Variants in KIFC3 observed in about 807,000 individuals in gnomAD.
KIFC3 encodes the protein kinesin family member C3.
A neutral mutation model predicts 101.8 loss-of-function variants in KIFC3; 60 were observed. That is an observed-to-expected ratio of 0.59 (90% CI 0.48 to 0.73). The LOEUF is 0.73. Ranked by LOEUF, KIFC3 falls within the 30% of genes least tolerant of loss-of-function variation. The pLI, the probability that KIFC3 is intolerant of heterozygous loss-of-function variation, is 0.00. For synonymous variants in KIFC3, 476 were observed against 482.7 expected (o/e 0.99, Z 0.18); for missense variants, 966 against 1,137.1 (o/e 0.85, Z 2.16).
chr16:57,786,075 C>T (rs2053286178), intron 3 of KIFC3, among the ~76,000 whole-genome samples: 1 of 152,210 alleles, frequency 6.6e-6, no homozygotes, highest in Non-Finnish European at 1.5e-5. Flanking sequence ...GTCTCAAACC[C>T]TCTCAAGAGT....
intron 3 of KIFC3, chr16:57,775,193 G>A (rs535852838): frequency 6.7e-6 from 9 of 1,334,274 alleles, no homozygotes; most frequent in Middle Eastern, 5.6e-4. Flanking sequence ...GGAAGTGGCC[G>A]CAACCGCAAC....
intron 1 of KIFC3, among the ~76,000 whole-genome samples, chr16:57,832,685 A>AG (rs782383225): frequency 2.6e-5 from 4 of 152,058 alleles, no homozygotes; most frequent in Non-Finnish European, 4.4e-5. Flanking sequence ...TCAGGTAGCA[A>AG]GACCCTTTGA....
chr16:57,848,973 T>G (rs2055993739), intron 1 of KIFC3, among the ~76,000 whole-genome samples: 1 of 152,232 alleles, frequency 6.6e-6, no homozygotes, highest in Non-Finnish European at 1.5e-5. Context: ...CCGGTTCCAC[T>G]TAAACACTAA....
chr16:57,774,878 C>T, intron 3 of KIFC3: 4 of 1,400,026 alleles, frequency 2.9e-6, no homozygotes, highest in Non-Finnish European at 3.7e-6. Context: ...CCTACCCTGA[C>T]ATAAGTGAAC....
chr16:57,762,298 A>G, intron 12 of KIFC3, 28 bp from the exon 13 acceptor site: 1 of 1,508,970 alleles, frequency 6.6e-7, no homozygotes, highest in Non-Finnish European at 8.9e-7. Context: ...GGCCCCAGTA[A>G]GCCAGGCCTG....
At chr16:57,850,893 T>C (rs1283460059) in intron 1 of KIFC3, among the ~76,000 whole-genome samples, 1 of 152,204 alleles carries the variant, frequency 6.6e-6, no homozygotes, top group Non-Finnish European at 1.5e-5. Flanking sequence ...TTCTTTGTTC[T>C]CTCTGGAATT....
chr16:57,783,469 T>C (rs1314411603), intron 3 of KIFC3, among the ~76,000 whole-genome samples: 3 of 34,972 alleles, frequency 8.6e-5, no homozygotes, highest in Non-Finnish European at 1.9e-4. Context: ...CCCATTTTCT[T>C]TTCTTTTTTT....
chr16:57,846,752 C>G (rs2055928831), intron 1 of KIFC3, among the ~76,000 whole-genome samples: 1 of 152,216 alleles, frequency 6.6e-6, no homozygotes, highest in Non-Finnish European at 1.5e-5. Flanking sequence ...AACAAACACT[C>G]ACGTATTGGG....
At chr16:57,862,791 C>A in exon 1 of KIFC3, 1 of 1,289,688 alleles carries the variant, frequency 7.8e-7, no homozygotes, top group Admixed American at 2.3e-5. Flanking sequence ...GGCTTCCATG[C>A]AGCTGTCAGA....
In KIFC3 at chr16:57,838,700, GAC is replaced by G. The variant is rs540492414; in HGVS notation, c.108+24027_108+24028del. Among the ~76,000 whole-genome samples, 39 of 152,322 alleles carry G rather than the reference GAC, an allele frequency of 2.6e-4. No individual in the cohort carries two copies. In the South Asian group the frequency reaches 8.1e-3, roughly 32 times the overall value. ...TTTCCAAAAAGCAAAATGCTTTTAA[GAC>G]CATCAGGGTTACGCTTGATCATAGC... is the stretch of plus-strand genomic sequence containing the variant. On this transcript the variant is annotated intron_variant, in intron 1 of 2. Transcript: ENST00000563028.
At position 57,850,497 on chromosome 16, in the gene KIFC3, A is replaced by G. The variant is rs1196262346; in HGVS notation, c.108+12232T>C. Among the ~76,000 whole-genome samples, 15 of 98,698 alleles carry G rather than the reference A, an allele frequency of 1.5e-4. No homozygotes were observed. The East Asian group carries it at 4.6e-3, about 30-fold the overall frequency. The allele number at this position is 98,698 out of a possible 152,430, so 64.7% of individuals were successfully genotyped here. On this transcript the variant is annotated intron_variant, in intron 1 of 2. Coordinates refer to the KIFC3 transcript ENST00000563028. ...TTTTTTTTTTTTTTTTTTGAGATGGAGTCTCACTCACTCTTTTGCCCAGGC... is the reference window on the plus strand; with the variant it reads ...TTTTTTTTTTTTTTTTTTGAGATGGGGTCTCACTCACTCTTTTGCCCAGGC...
chr16:57,758,924 G>T lies in KIFC3; in HGVS notation c.*25-15C>A, dbSNP rs782749317. The T allele has an allele frequency of 1.3e-6, 2 of 1,564,608 alleles. No homozygotes were observed. The highest frequency in any genetic ancestry group is 4.5e-5 in the East Asian group (2 of 44,440). ...CCGCGACTTCCCTGCAGGGGCATGAGATCATCAGCCTCTTGTCCACTTGCC... is the reference window on the plus strand; with the variant it reads ...CCGCGACTTCCCTGCAGGGGCATGATATCATCAGCCTCTTGTCCACTTGCC... On this transcript the variant is annotated splice_polypyrimidine_tract_variant and intron_variant, in intron 19 of 19. Transcript: ENST00000445690.
At chr16:57,775,338 A>C (rs2051901200) in intron 3 of KIFC3, 13 of 1,147,548 alleles carry the variant, frequency 1.1e-5, no homozygotes, top group African/African-American at 1.6e-5. Flanking sequence ...AATGTGACTG[A>C]GACGCAGCAG....
chr16:57,811,992 A>G (rs1215533825), intron 1 of KIFC3, among the ~76,000 whole-genome samples: 1 of 150,150 alleles, frequency 6.7e-6, no homozygotes, highest in Non-Finnish European at 1.5e-5. Flanking sequence ...GCAGTGAGCT[A>G]TGATCAGACC....
intron 1 of KIFC3, chr16:57,815,610 G>C: frequency 7.8e-7 from 1 of 1,289,918 alleles, no homozygotes; most frequent in Non-Finnish European, 1.0e-6. Flanking sequence ...CCACATGGCT[G>C]CTGCACCTGA....
chr16:57,762,178 G>A lies in KIFC3; in HGVS notation c.1710C>T (p.Ile570=). The A allele has an allele frequency of 3.7e-6, 6 of 1,608,300 alleles. No individual in the cohort carries two copies. Among genetic ancestry groups the A allele is most frequent in the Non-Finnish European group, 5.1e-6 (6 of 1,178,108 alleles). Residue 570 remains isoleucine, a synonymous_variant, in exon 13 of 20, where the codon ATC becomes ATT. Transcript: ENST00000445690. The part of the protein sequence containing the change: ...QEKASDWEYT[I]TVSAAEIYNE... The stretch of plus-strand genomic sequence containing the variant: ...TGTAGATCTCCGCAGCGCTGACGGT[G>A]ATGGTGTACTCCCAGTCAGACGCCT...
At position 57,814,661 on chromosome 16, in the gene KIFC3, T is replaced by C. The variant is rs141351897; in HGVS notation, c.109-16379A>G. Among the ~76,000 whole-genome samples, 43 of 152,190 alleles carry C rather than the reference T, an allele frequency of 2.8e-4. No individual in the cohort carries two copies. The East Asian group carries it at 8.1e-3, about 29-fold the overall frequency. ...TTTTTTTTTTTGGAGACAAATGCTC[T>C]GTCACCCAGGCTGGAGTGCAGTGGT... On this transcript the variant is annotated intron_variant, in intron 1 of 2. Coordinates refer to the KIFC3 transcript ENST00000563028.
chr16:57,832,004 TTTTTGTTTTG>T (rs1213603286), intron 1 of KIFC3, among the ~76,000 whole-genome samples: 2 of 151,194 alleles, frequency 1.3e-5, no homozygotes, highest in South Asian at 2.1e-4. Flanking sequence ...CAAGGTGAAT[TTTTTGTTTTG>T]TTTTGTTTTG....
At chr16:57,787,646 C>T (rs2053468637) in intron 3 of KIFC3, among the ~76,000 whole-genome samples, 1 of 152,184 alleles carries the variant, frequency 6.6e-6, no homozygotes, top group Non-Finnish European at 1.5e-5. Flanking sequence ...GACCAGGTAA[C>T]CCTTGCTGTT....
Sources: allele counts gnomAD v4.1 joint callset (sites outside exome capture counted in the v4.1 genomes callset), GRCh38; gene constraint gnomAD v4.1.1; transcripts MANE v1.5; gene names NCBI Gene and HGNC (gene_info 2026-07-23, HGNC 2026-07-21).